The following DHCR7 variants were observed in gnomAD, a reference collection of about 807,000 sequenced individuals.
DHCR7 encodes the protein 7-DHC reductase.
Under a neutral mutation model 43.3 loss-of-function variants are expected in DHCR7, and 40 were observed. The ratio of observed to expected loss-of-function variants is 0.92; its 90% CI spans 0.72 to 1.20. The LOEUF (loss-of-function observed/expected upper bound fraction) is 1.20, where lower values mean the gene tolerates loss of function less well. DHCR7 is among the 50% of genes most tolerant of loss of function. The pLI is 0.00. For synonymous variants in DHCR7, 298 were observed against 271.4 expected (o/e 1.10, Z -0.96); for missense variants, 608 against 644.6 (o/e 0.94, Z 0.62).
intron 8 of DHCR7, 100 bp from the exon 9 acceptor site, chr11:71,435,939 T>G: frequency 1.1e-6 from 1 of 941,822 alleles, no homozygotes; most frequent in Non-Finnish European, 1.7e-6. Context: ...ACCCCAGCTC[T>G]GCCTCTGACA....
intron 8 of DHCR7, among the ~76,000 whole-genome samples, chr11:71,436,546 C>T (rs1949282890): frequency 6.6e-6 from 1 of 152,142 alleles, no homozygotes; most frequent in Non-Finnish European, 1.5e-5. Flanking sequence ...ACCTGTAATC[C>T]CAGCTACTCG....
chr11:71,431,112 G>A (rs547091441), downstream of DHCR7, among the ~76,000 whole-genome samples: 78 of 152,282 alleles, frequency 5.1e-4, no homozygotes, highest in South Asian at 8.3e-4. Context: ...CAGAGATTGC[G>A]CCACTGCACT....
intron 8 of DHCR7, chr11:71,436,080 CT>C: frequency 1.8e-6 from 1 of 548,716 alleles, no homozygotes; most frequent in Non-Finnish European, 3.3e-6. Context: ...TATATACCCC[CT>C]ATATATATGA....
intron 2 of DHCR7, among the ~76,000 whole-genome samples, chr11:71,429,289 C>T (rs1000694187): frequency 6.6e-6 from 1 of 152,182 alleles, no homozygotes; most frequent in Admixed American, 6.5e-5. Context: ...GCCCTCAGAA[C>T]GACCCTGGCT....
chr11:71,438,800 TG>T, intron 7 of DHCR7, 78 bp downstream of exon 7: 1 of 1,440,652 alleles, frequency 6.9e-7, no homozygotes, highest in Non-Finnish European at 9.7e-7. Context: ...ATTAAGGTCA[TG>T]GGAATACGCT....
At chr11:71,441,556 G>A (rs1347736705) in intron 5 of DHCR7, 116 bp from the exon 6 acceptor site, 22 of 911,274 alleles carry the variant, frequency 2.4e-5, no homozygotes, top group East Asian at 1.6e-4. Context: ...CTGCTGCTGC[G>A]GACCCTCATC....
intron 4 of DHCR7, among the ~76,000 whole-genome samples, chr11:71,442,807 C>A (rs1165537724): frequency 3.9e-5 from 6 of 152,192 alleles, no homozygotes; most frequent in African/African-American, 1.4e-4. Flanking sequence ...CAGGTGTGCA[C>A]CACCACACCC....
In DHCR7 at chr11:71,428,949, C is replaced by G. The variant is rs552766949; in HGVS notation, c.320-97G>C. 5 of 435,118 alleles carry G rather than the reference C, an allele frequency of 1.1e-5. No homozygotes were observed. The East Asian group carries it at 3.5e-4, about 30-fold the overall frequency. 27.0% of individuals were successfully genotyped at this position (435,118 alleles called of 1,614,324 possible). A position where few individuals can be genotyped will look rare whatever the true frequency, so the allele number is the denominator to read the frequency against. On this transcript the variant is annotated intron_variant, in intron 2 of 2. Coordinates refer to the DHCR7 transcript ENST00000534795. ...ACCATGTAATTCAAATGCCTCCCGC[C>G]TCCTCCTCACTTATCTAAGTCTGTA...
Position 71,442,339 on chromosome 11 carries a change from C to T in DHCR7, c.336G>A (p.Thr112=), listed in dbSNP as rs759750125. The T allele has an allele frequency of 3.3e-5, 54 of 1,613,772 alleles. No homozygotes were observed. Among genetic ancestry groups the T allele is most frequent in the Middle Eastern group, 1.6e-4 (1 of 6,062 alleles). The change falls in exon 5 of 9, where the codon ACG becomes ACA. Residue 112 remains threonine, a synonymous_variant. Coordinates refer to ENST00000355527, the MANE Select transcript of DHCR7 (RefSeq NM_001360.3). The stretch of plus-strand genomic sequence containing the variant: ...ACTTATGGCAGAAGTCAGGGAGAGA[C>T]GTGTACAGAAGCACCTGAAACACAC... ...LWVTFQVLLY[T]SLPDFCHKFL... is the part of the protein sequence containing the mutation.
In DHCR7 at chr11:71,444,084, G is replaced by A. The variant is rs781010025; in HGVS notation, c.230C>T (p.Thr77Ile). 5 of 1,613,648 alleles carry A rather than the reference G, an allele frequency of 3.1e-6. No homozygotes were observed. In the Admixed American group the frequency reaches 6.7e-5, roughly 22 times the overall value. ...GATGTCCGAGAGCCGAGCATGTCCGGTGACGATGTCCACCACAGGGCCAGT... is the reference window on the plus strand; with the variant it reads ...GATGTCCGAGAGCCGAGCATGTCCGATGACGATGTCCACCACAGGGCCAGT... ...ALTGPVVDIV[T>I]GHARLSDIWA... is the part of the protein sequence containing the mutation. The change falls in exon 4 of 9, where the codon ACC becomes ATC. Residue 77 changes from threonine to isoleucine, a missense_variant. Thr to Ile is a moderately conservative substitution (Grantham distance 89). Coordinates refer to ENST00000355527, the MANE Select transcript of DHCR7 (RefSeq NM_001360.3).
Position 71,444,205 on chromosome 11 carries a change from A to T in DHCR7, c.109T>A (p.Trp37Arg). ...AAGATGACGCTCGCCAGTGAAAACC[A>T]GTCCACCTCCCTGCGAGGACGGATG... ...GQWGRAWEVD[W>R]FSLASVIFLL... The change falls in exon 4 of 9, where the codon TGG becomes AGG. Residue 37 changes from tryptophan (W) to arginine (R), a missense_variant. Transcript: ENST00000355527. 6.3e-7 allele frequency: 1 copy of T among 1,590,792 alleles called. No homozygotes were observed. Among genetic ancestry groups the T allele is most frequent in the Non-Finnish European group, 8.6e-7 (1 of 1,167,676 alleles).
chr11:71,448,937 A>G (rs1403208943), upstream of DHCR7: 1 of 152,460 alleles, frequency 6.6e-6, no homozygotes, highest in African/African-American at 2.4e-5. Context: ...CGCCAAAGTG[A>G]CCCGAGATGG....
intron 2 of DHCR7, among the ~76,000 whole-genome samples, chr11:71,446,678 A>T (rs759763784): frequency 5.9e-5 from 9 of 152,276 alleles, no homozygotes; most frequent in Non-Finnish European, 1.2e-4. Context: ...AAAAATTTCA[A>T]CGATGAAAGA....
At position 71,434,878 on chromosome 11, in the gene DHCR7, G is replaced by A. The variant is rs1457478681; in HGVS notation, c.*497C>T. On this transcript the variant is annotated 3_prime_UTR_variant, in exon 9 of 9. Coordinates refer to ENST00000355527, the MANE Select transcript of DHCR7 (RefSeq NM_001360.3). Reference sequence around the variant, plus strand: ...GTGCACGCTACCAAGGAGAAACGGCGCACGGGCCCCACCCACGACTGCAGA... The same window carrying A: ...GTGCACGCTACCAAGGAGAAACGGCACACGGGCCCCACCCACGACTGCAGA... 1.1e-5 allele frequency: 4 copies of A among 352,124 alleles called. No individual in the cohort carries two copies. The highest frequency in any genetic ancestry group is 4.3e-5 in the African/African-American group (2 of 46,578). The allele number at this position is 352,124 out of a possible 1,614,324, so 21.8% of individuals were successfully genotyped here.
At position 71,435,801 on chromosome 11, in the gene DHCR7, G is replaced by T. The variant is rs778753729; in HGVS notation, c.1002C>A (p.Thr334=). The T allele has an allele frequency of 1.2e-5, 20 of 1,607,144 alleles. No homozygotes were observed. Among genetic ancestry groups the T allele is most frequent in the Non-Finnish European group, 1.2e-5 (14 of 1,175,928 alleles). ...GCAGCAGGACGCCCACGGCGTGCGG[G>T]GTGGACAGCTGCACGGGGTGGTACA... is the stretch of plus-strand genomic sequence containing the variant. ...YLVYHPVQLS[T]PHAVGVLLLG... is the part of the protein sequence containing the mutation. The change falls in exon 9 of 9, where the codon ACC becomes ACA. Residue 334 remains threonine (T), a synonymous_variant. Coordinates refer to ENST00000355527, the MANE Select transcript of DHCR7 (RefSeq NM_001360.3).
intron 4 of DHCR7, 152 bp from the exon 5 acceptor site, chr11:71,442,505 G>T: frequency 1.4e-6 from 1 of 697,618 alleles, no homozygotes; most frequent in Non-Finnish European, 2.6e-6. Context: ...TGTGGGTTTT[G>T]AAGGGGGTTC....
At chr11:71,441,551 G>C in intron 5 of DHCR7, 111 bp from the exon 6 acceptor site, 1 of 935,134 alleles carries the variant, frequency 1.1e-6, no homozygotes, top group Non-Finnish European at 1.7e-6. Context: ...GGCCTCTGCT[G>C]CTGCGGACCC....
In DHCR7 at chr11:71,441,333, A is replaced by C. The variant is rs886044698; in HGVS notation, c.520T>G (p.Phe174Val). The part of the protein sequence containing the change: ...LLSWFSPTII[F>V]DNWIPLLWCA... The stretch of plus-strand genomic sequence containing the variant: ...CACAGCAGTGGGATCCAGTTGTCGA[A>C]GATGATGGTGGGCGAGAACCAGGAC... The change falls in exon 6 of 9, where the codon TTC (phenylalanine) becomes GTC (valine). Residue 174 changes from phenylalanine (F) to valine (V), a missense_variant. Transcript: ENST00000355527. 17 of 1,614,114 alleles carry C rather than the reference A, an allele frequency of 1.1e-5. No individual in the cohort carries two copies. Among genetic ancestry groups the C allele is most frequent in the Non-Finnish European group, 1.1e-5 (13 of 1,180,044 alleles).
chr11:71,444,094 C>T lies in DHCR7; in HGVS notation c.220G>A (p.Asp74Asn), dbSNP rs773481689. 42 of 1,613,508 alleles carry T rather than the reference C, an allele frequency of 2.6e-5. No homozygotes were observed. In the South Asian group the frequency reaches 4.5e-4, roughly 17 times the overall value. ...AGCCGAGCATGTCCGGTGACGATGT[C>T]CACCACAGGGCCAGTCAGGGCGCAG... ...YSCALTGPVV[D>N]IVTGHARLSD... is the part of the protein sequence containing the mutation. The change falls in exon 4 of 9, where the codon GAC (aspartate) becomes AAC (asparagine). Residue 74 changes from aspartate to asparagine, a missense_variant. Asp to Asn is a conservative substitution (Grantham distance 23). Coordinates refer to ENST00000355527, the MANE Select transcript of DHCR7 (RefSeq NM_001360.3).
Sources: gnomAD v4.1 joint callset for allele counts (sites outside exome capture counted in the v4.1 genomes callset) on GRCh38, gnomAD v4.1.1 for gene constraint, MANE v1.5 for transcripts, NCBI Gene and HGNC (gene_info 2026-07-23, HGNC 2026-07-21) for gene names.